The following GSE1 variants were observed in gnomAD, a reference collection of about 807,000 sequenced individuals.
GSE1 encodes genetic suppressor element 1.
In GSE1, 32 loss-of-function variants were observed where a neutral mutation model predicts 112.6. That is an observed-to-expected ratio of 0.28 (90% CI 0.21 to 0.38). The LOEUF (loss-of-function observed/expected upper bound fraction) is 0.38, where lower values mean the gene tolerates loss of function less well. Among genes scored for constraint, GSE1 ranks in the 10% least tolerant of loss-of-function variants. The pLI, the probability that GSE1 is intolerant of heterozygous loss-of-function variation, is 1.00. For missense variants in GSE1, 2,348 were observed against 1,699.2 expected, an observed-to-expected ratio of 1.38 and a Z score of -6.71; for synonymous variants, 1,115 against 735.6, an observed-to-expected ratio of 1.52 and a Z score of -8.35.
Position 85,534,225 on chromosome 16 carries a change from A to G in GSE1, c.2465-99689A>G, listed in dbSNP as rs549162616. 4.0e-5 allele frequency among the ~76,000 whole-genome samples: 6 copies of G among 151,362 alleles called. No homozygotes were observed. The East Asian group carries it at 7.8e-4, about 20-fold the overall frequency. On this transcript the variant is annotated intron_variant, in intron 2 of 2. Coordinates refer to the GSE1 transcript ENST00000637419. ...CAACCTCCACCTCCCAGGCTCAAGC[A>G]ATCCTCCCACCTCAGCCTCCCAAAT...
chr16:85,621,325 AC>A (rs1205121765), intron 1 of GSE1, among the ~76,000 whole-genome samples: 1 of 152,080 alleles, frequency 6.6e-6, no homozygotes, highest in Non-Finnish European at 1.5e-5. Context: ...TGTTGGGGGA[AC>A]CCGCTTAGAT....
chr16:85,198,474 G>C (rs1264324162), intron 1 of GSE1, among the ~76,000 whole-genome samples: 1 of 152,122 alleles, frequency 6.6e-6, no homozygotes, highest in Admixed American at 6.5e-5. Context: ...CTGACCTTGC[G>C]ATGGGGGAGA....
chr16:85,547,823 G>T (rs2044752613), intron 2 of GSE1, among the ~76,000 whole-genome samples: 1 of 149,844 alleles, frequency 6.7e-6, no homozygotes, highest in African/African-American at 2.5e-5. Flanking sequence ...AGGCTGTAGT[G>T]AGCCGAGATG....
At chr16:85,539,282 T>A (rs1248964878) in intron 2 of GSE1, among the ~76,000 whole-genome samples, 1 of 152,230 alleles carries the variant, frequency 6.6e-6, no homozygotes, top group Non-Finnish European at 1.5e-5. Context: ...ATTAGCTGCA[T>A]GCACATGTTT....
intron 1 of GSE1, among the ~76,000 whole-genome samples, chr16:85,299,549 G>GAGA (rs2045459255): frequency 1.3e-5 from 2 of 152,234 alleles, no homozygotes; most frequent in African/African-American, 4.8e-5. Flanking sequence ...TTGCTTTGAG[G>GAGA]ATTCAAGCCC....
At chr16:85,546,894 G>A (rs776697112) in intron 2 of GSE1, among the ~76,000 whole-genome samples, 7 of 152,250 alleles carry the variant, frequency 4.6e-5, no homozygotes, top group Non-Finnish European at 7.3e-5. Context: ...AGGAAGGCTG[G>A]CGGGCCACTT....
intron 1 of GSE1, among the ~76,000 whole-genome samples, chr16:85,355,518 G>A (rs1449349766): frequency 6.6e-6 from 1 of 152,230 alleles, no homozygotes; most frequent in African/African-American, 2.4e-5. Flanking sequence ...CCGTCACCAA[G>A]ACAGAGAGCA....
intron 1 of GSE1, among the ~76,000 whole-genome samples, chr16:85,625,769 G>C (rs1476163618): frequency 6.6e-6 from 1 of 152,206 alleles, no homozygotes; most frequent in Non-Finnish European, 1.5e-5. Context: ...GCTGCTGGGG[G>C]CCCTAGGCAT....
chr16:85,230,934 T>C (rs1159977659), intron 1 of GSE1, among the ~76,000 whole-genome samples: 1 of 148,610 alleles, frequency 6.7e-6, no homozygotes. Flanking sequence ...GATGAATGAA[T>C]GGATGGACAG....
At chr16:85,638,400 C>CACCT (rs1390903884) in intron 2 of GSE1, among the ~76,000 whole-genome samples, 4 of 152,240 alleles carry the variant, frequency 2.6e-5, no homozygotes, top group East Asian at 3.9e-4. Flanking sequence ...TTAACCTACT[C>CACCT]ACCTACTCAC....
At chr16:85,237,045 G>A (rs1204661929) in intron 1 of GSE1, among the ~76,000 whole-genome samples, 1 of 152,252 alleles carries the variant, frequency 6.6e-6, no homozygotes. Flanking sequence ...AGAATAATGG[G>A]CTGGGCGCCG....
At chr16:85,448,979 C>T (rs1476067654) in intron 2 of GSE1, among the ~76,000 whole-genome samples, 2 of 152,208 alleles carry the variant, frequency 1.3e-5, no homozygotes, top group African/African-American at 2.4e-5. Flanking sequence ...CCCCTCCACC[C>T]GCTCAGCCCT....
intron 2 of GSE1, among the ~76,000 whole-genome samples, chr16:85,501,021 T>TTTG (rs1567540480): frequency 6.8e-6 from 1 of 147,144 alleles, no homozygotes; most frequent in Non-Finnish European, 1.5e-5. Context: ...TTTTTTTTTT[T>TTTG]TTGAGACGGA....
intron 1 of GSE1, among the ~76,000 whole-genome samples, chr16:85,188,324 G>A (rs1177645242): frequency 6.6e-6 from 1 of 152,240 alleles, no homozygotes; most frequent in Non-Finnish European, 1.5e-5. Flanking sequence ...AGTAGAGTGT[G>A]TGTCACAGGC....
intron 2 of GSE1, among the ~76,000 whole-genome samples, chr16:85,422,950 A>C (rs2151743411): frequency 6.6e-6 from 1 of 152,224 alleles, no homozygotes; most frequent in African/African-American, 2.4e-5. Flanking sequence ...GATTGCACAA[A>C]CCCCAGAGCT....
chr16:85,651,536 C>G (rs572462383), intron 3 of GSE1, among the ~76,000 whole-genome samples: 4 of 152,164 alleles, frequency 2.6e-5, no homozygotes, highest in Non-Finnish European at 5.9e-5. Context: ...GGGACAGGCC[C>G]CTCCTTGTGG....
chr16:85,232,731 C>T (rs116579596), intron 1 of GSE1, among the ~76,000 whole-genome samples: 5,028 of 152,336 alleles, frequency 0.033, 159 homozygotes, highest in African/African-American at 0.084. Context: ...CTGCCCAGAG[C>T]GCCAGCTCCA....
chr16:85,542,259 C>G (rs1567573103), intron 2 of GSE1, among the ~76,000 whole-genome samples: 1 of 152,230 alleles, frequency 6.6e-6, no homozygotes, highest in Non-Finnish European at 1.5e-5. Context: ...GCAGCTTTCT[C>G]TTTGGAAACC....
intron 1 of GSE1, among the ~76,000 whole-genome samples, chr16:85,315,956 A>G (rs981321376): frequency 2.0e-5 from 3 of 152,186 alleles, no homozygotes; most frequent in Non-Finnish European, 4.4e-5. Flanking sequence ...GAGCAGGACC[A>G]GGCTGGAGGG....
Sources: allele counts gnomAD v4.1 joint callset (sites outside exome capture counted in the v4.1 genomes callset), GRCh38; gene constraint gnomAD v4.1.1; transcripts MANE v1.5; gene names NCBI Gene and HGNC (gene_info 2026-07-23, HGNC 2026-07-21).